Variants in PLPPR1 observed in about 807,000 individuals in gnomAD.
PLPPR1 encodes the protein phospholipid phosphatase related 1, also known as phospholipid phosphatase-related protein type 1.
PLPPR1 carries 10 observed loss-of-function variants against 33.1 expected under a neutral mutation model. The ratio of observed to expected loss-of-function variants is 0.30; its 90% CI spans 0.19 to 0.51. PLPPR1 has a LOEUF of 0.51. Ranked by LOEUF, PLPPR1 falls within the 20% of genes least tolerant of loss-of-function variation. The pLI is 0.97. For synonymous variants in PLPPR1, 151 were observed against 151.0 expected (o/e 1.00, Z 0.00); for missense variants, 304 against 408.1 (o/e 0.74, Z 2.20).
chr9:101,309,359 T>C lies in PLPPR1; in HGVS notation c.534T>C (p.Asn178=). The C allele has an allele frequency of 6.2e-7, 1 of 1,614,026 alleles. No individual in the cohort carries two copies. Among genetic ancestry groups the C allele is most frequent in the South Asian group, 1.1e-5 (1 of 91,078 alleles). The change falls in exon 5 of 8, where the codon AAT becomes AAC. Residue 178 remains asparagine (N), a synonymous_variant. Transcript: ENST00000374874. The part of the protein sequence containing the change: ...DCQAHHQFIN[N]GNICTGDLEV... The stretch of plus-strand genomic sequence containing the variant: ...AAGCGCACCACCAGTTTATAAACAA[T>C]GGGAACATTTGTACTGGGGACCTGG...
chr9:101,063,943 C>T (rs965475844), intron 1 of PLPPR1, among the ~76,000 whole-genome samples: 3 of 152,032 alleles, frequency 2.0e-5, no homozygotes, highest in African/African-American at 7.2e-5. Context: ...CTATTGAATT[C>T]CTAATGCTTG....
At position 101,175,545 on chromosome 9, in the gene PLPPR1, TAA is replaced by T. The variant is rs539151411; in HGVS notation, c.-45-9904_-45-9903del. The stretch of plus-strand genomic sequence containing the variant: ...GCGCCACCATTATTTCTTTTGCATA[TAA>T]GTGCCTATGATACATTGTTATATTT... On this transcript the variant is annotated intron_variant, in intron 1 of 7. Coordinates refer to ENST00000374874, the MANE Select transcript of PLPPR1 (RefSeq NM_207299.2). Among the ~76,000 whole-genome samples the T allele has an allele frequency of 2.1e-3, 326 of 152,280 alleles. 1 individual carries two copies. The highest frequency in any genetic ancestry group is 3.3e-3 in the Non-Finnish European group (223 of 68,024).
chr9:101,303,500 C>A (rs951495996), intron 4 of PLPPR1, among the ~76,000 whole-genome samples: 1 of 152,098 alleles, frequency 6.6e-6, no homozygotes, highest in African/African-American at 2.4e-5. Flanking sequence ...AGGATTTCAC[C>A]CTATTGGTCA....
At chr9:101,220,542 C>A (rs535378286) in intron 2 of PLPPR1, among the ~76,000 whole-genome samples, 5 of 152,142 alleles carry the variant, frequency 3.3e-5, no homozygotes, top group Non-Finnish European at 1.5e-5. Flanking sequence ...GGACTTTATC[C>A]TCTCACACTC....
chr9:101,209,345 T>C (rs1826647047), intron 2 of PLPPR1, among the ~76,000 whole-genome samples: 1 of 152,238 alleles, frequency 6.6e-6, no homozygotes, highest in South Asian at 2.1e-4. Context: ...TCTGTGAATT[T>C]TTCCCGTCTG....
At chr9:101,137,629 A>G (rs1008303867) in intron 1 of PLPPR1, among the ~76,000 whole-genome samples, 5 of 152,156 alleles carry the variant, frequency 3.3e-5, no homozygotes, top group Non-Finnish European at 7.4e-5. Context: ...CATAGCCTGC[A>G]TACTGGACAT....
intron 2 of PLPPR1, among the ~76,000 whole-genome samples, chr9:101,229,334 T>C (rs938033478): frequency 6.6e-6 from 1 of 152,148 alleles, no homozygotes; most frequent in East Asian, 1.9e-4. Flanking sequence ...CTAGTTCTCA[T>C]GTGTACCCTG....
At chr9:101,096,149 C>A (rs1830814691) in intron 1 of PLPPR1, among the ~76,000 whole-genome samples, 1 of 151,912 alleles carries the variant, frequency 6.6e-6, no homozygotes, top group South Asian at 2.1e-4. Flanking sequence ...CTTGGGCTAC[C>A]CTGAAGATCA....
chr9:101,157,816 C>G (rs1007673339), intron 1 of PLPPR1, among the ~76,000 whole-genome samples: 1 of 151,852 alleles, frequency 6.6e-6, no homozygotes, highest in Non-Finnish European at 1.5e-5. Flanking sequence ...GCTTGGCCAA[C>G]ATGGTAAAAC....
At chr9:101,036,724 A>G (rs115421709) in intron 1 of PLPPR1, among the ~76,000 whole-genome samples, 2,336 of 150,174 alleles carry the variant, frequency 0.016, 31 homozygotes, top group African/African-American at 0.038. Context: ...AAAAAAAAGA[A>G]GAGGAAGAAG....
chr9:101,203,912 A>G (rs779350237), intron 2 of PLPPR1, among the ~76,000 whole-genome samples: 4 of 152,090 alleles, frequency 2.6e-5, no homozygotes, highest in Non-Finnish European at 5.9e-5. Flanking sequence ...GTAGGATCAG[A>G]ATAGGGAAAG....
chr9:101,263,180 T>C (rs915095751), intron 2 of PLPPR1, among the ~76,000 whole-genome samples: 1 of 152,208 alleles, frequency 6.6e-6, no homozygotes, highest in Admixed American at 6.5e-5. Flanking sequence ...TTTAAAAAAA[T>C]AACAGCACCA....
intron 2 of PLPPR1, among the ~76,000 whole-genome samples, chr9:101,221,847 G>GCTCAACA (rs1826948705): frequency 6.6e-6 from 1 of 152,164 alleles, no homozygotes; most frequent in Non-Finnish European, 1.5e-5. Context: ...CAAGAAATAT[G>GCTCAACA]CTCAACACTA....
chr9:101,073,008 T>G (rs1016643287), intron 1 of PLPPR1, among the ~76,000 whole-genome samples: 1 of 152,164 alleles, frequency 6.6e-6, no homozygotes, highest in Non-Finnish European at 1.5e-5. Context: ...AGGGTGAGAA[T>G]ACACAAACTC....
In PLPPR1 at chr9:101,067,588, A is replaced by G. The variant is rs1405635934; in HGVS notation, c.-46+38486A>G. ...GAAAGAACTCTTGAAAGAACAGAGG[A>G]AAAGTCAAATGCTTTTTATTCTGCC... On this transcript the variant is annotated intron_variant, in intron 1 of 7. Transcript: ENST00000374874. Among the ~76,000 whole-genome samples, 9 of 152,204 alleles carry G rather than the reference A, an allele frequency of 5.9e-5. No individual in the cohort carries two copies. In the East Asian group the frequency reaches 1.7e-3, roughly 29 times the overall value.
At chr9:101,146,148 G>A (rs370615881) in intron 1 of PLPPR1, among the ~76,000 whole-genome samples, 64 of 152,242 alleles carry the variant, frequency 4.2e-4, no homozygotes, top group East Asian at 1.2e-3. Context: ...TCATAGTGTA[G>A]CATAATTTTT....
chr9:101,163,222 A>G (rs1220872009), intron 1 of PLPPR1, among the ~76,000 whole-genome samples: 1 of 152,168 alleles, frequency 6.6e-6, no homozygotes, highest in African/African-American at 2.4e-5. Flanking sequence ...GTTTGTTCCT[A>G]TTTGGTGTCT....
chr9:101,134,691 G>GA (rs1302936821), intron 1 of PLPPR1, among the ~76,000 whole-genome samples: 1 of 152,086 alleles, frequency 6.6e-6, no homozygotes, highest in East Asian at 1.9e-4. Flanking sequence ...GCTAGAACAG[G>GA]AAAAATTGAA....
intron 1 of PLPPR1, among the ~76,000 whole-genome samples, chr9:101,046,230 C>T (rs1830143643): frequency 6.6e-6 from 1 of 151,970 alleles, no homozygotes; most frequent in Non-Finnish European, 1.5e-5. Flanking sequence ...CCCAGAGCTA[C>T]TTTTCCCTTG....
Sources: gnomAD v4.1 joint callset for allele counts (sites outside exome capture counted in the v4.1 genomes callset) on GRCh38, gnomAD v4.1.1 for gene constraint, MANE v1.5 for transcripts, NCBI Gene and HGNC (gene_info 2026-07-23, HGNC 2026-07-21) for gene names.